Variants in GDA observed in about 807,000 individuals in gnomAD.
GDA encodes the protein cytoplasmic PSD-95 interactor.
Under a neutral mutation model 59.6 loss-of-function variants are expected in GDA, and 18 were observed. The ratio of observed to expected loss-of-function variants is 0.30; its 90% CI spans 0.21 to 0.45. The LOEUF (loss-of-function observed/expected upper bound fraction) is 0.45. Among genes scored for constraint, GDA ranks in the 20% least tolerant of loss-of-function variants. GDA has a pLI of 1.00. For synonymous variants in GDA, 201 were observed against 201.1 expected, an observed-to-expected ratio of 1.00 and a Z score of 0.00; for missense variants, 427 against 552.3, an observed-to-expected ratio of 0.77 and a Z score of 2.27.
chr9:72,176,564 A>G (rs1830563447), intron 1 of GDA, among the ~76,000 whole-genome samples: 1 of 152,156 alleles, frequency 6.6e-6, no homozygotes, highest in Admixed American at 6.5e-5. Flanking sequence ...AGCATCCCTG[A>G]CAGATGGTCA....
intron 1 of GDA, among the ~76,000 whole-genome samples, chr9:72,191,459 G>A (rs1267390692): frequency 5.9e-5 from 9 of 151,290 alleles, no homozygotes; most frequent in Non-Finnish European, 1.2e-4. Flanking sequence ...CAGGGAGAAA[G>A]TAAAGGGAAG....
chr9:72,210,485 T>C (rs1203318925), intron 3 of GDA, among the ~76,000 whole-genome samples: 1 of 152,142 alleles, frequency 6.6e-6, no homozygotes, highest in African/African-American at 2.4e-5. Flanking sequence ...CGAGAAAAAA[T>C]CAGAAGTATC....
At position 72,250,260 on chromosome 9, in the gene GDA, G is replaced by A. The variant is rs1228200676; in HGVS notation, c.*1918G>A. 3.0e-6 allele frequency: 3 copies of A among 994,718 alleles called. No individual in the cohort carries two copies. Among genetic ancestry groups the A allele is most frequent in the Non-Finnish European group, 3.6e-6 (3 of 836,258 alleles). The allele number at this position is 994,718 out of a possible 1,614,324, so 61.6% of individuals were successfully genotyped here. A position where few individuals can be genotyped will look rare whatever the true frequency, so the allele number is the denominator to read the frequency against. On this transcript the variant is annotated 3_prime_UTR_variant, in exon 14 of 14. Coordinates refer to ENST00000358399, the MANE Select transcript of GDA (RefSeq NM_004293.5). ...GTGTAAGATTCACTTACAGGCAGTA[G>A]CTGCTTCTAGCATTTGCAAGATCCT...
chr9:72,134,854 CT>C (rs1417068669), intron 1 of GDA, among the ~76,000 whole-genome samples: 8 of 152,228 alleles, frequency 5.3e-5, no homozygotes, highest in African/African-American at 1.9e-4. Context: ...ACAATTTTGC[CT>C]GGTGGCAGTC....
At chr9:72,144,341 C>T (rs1826545872) in intron 1 of GDA, among the ~76,000 whole-genome samples, 1 of 152,096 alleles carries the variant, frequency 6.6e-6, no homozygotes, top group South Asian at 2.1e-4. Flanking sequence ...GTATTATATT[C>T]GTATCACTTA....
chr9:72,160,127 G>A (rs1172130874), intron 1 of GDA, among the ~76,000 whole-genome samples: 3 of 151,860 alleles, frequency 2.0e-5, no homozygotes, highest in South Asian at 2.1e-4. Flanking sequence ...GTAAAACCCC[G>A]TCTCTACTAA....
intron 1 of GDA, among the ~76,000 whole-genome samples, chr9:72,158,151 A>G (rs1240067846): frequency 6.6e-6 from 1 of 152,208 alleles, no homozygotes; most frequent in Non-Finnish European, 1.5e-5. Flanking sequence ...CTGTTCTTCC[A>G]TAAAATTTTT....
chr9:72,153,004 C>T (rs1485054012), intron 1 of GDA, among the ~76,000 whole-genome samples: 2 of 152,218 alleles, frequency 1.3e-5, no homozygotes, highest in Non-Finnish European at 2.9e-5. Context: ...CAGCTTTCTA[C>T]ATATGGCTAG....
Position 72,250,553 on chromosome 9 carries a change from C to A in GDA, c.*2211C>A. ...CTTATAACTTATGTGTTTTATTTCT[C>A]CAAGTGCGGTGTTCCTGAATGTTAT... On this transcript the variant is annotated 3_prime_UTR_variant, in exon 14 of 14. Transcript: ENST00000358399. The A allele has an allele frequency of 6.9e-7, 1 of 1,442,902 alleles. No homozygotes were observed. The highest frequency in any genetic ancestry group is 9.1e-7 in the Non-Finnish European group (1 of 1,103,712). The allele number at this position is 1,442,902 out of a possible 1,614,324, so 89.4% of individuals were successfully genotyped here. A position where few individuals can be genotyped will look rare whatever the true frequency, so the allele number is the denominator to read the frequency against.
At chr9:72,200,058 C>T (rs949662355) in intron 2 of GDA, among the ~76,000 whole-genome samples, 8 of 143,030 alleles carry the variant, frequency 5.6e-5, no homozygotes, top group Admixed American at 1.5e-4. Context: ...AGTGCAGTGG[C>T]ATGATCTCTG....
chr9:72,122,552 A>G (rs1825698636), intron 1 of GDA, among the ~76,000 whole-genome samples: 1 of 152,036 alleles, frequency 6.6e-6, no homozygotes, highest in Non-Finnish European at 1.5e-5. Context: ...GGAACACACT[A>G]TGTACACAAG....
chr9:72,163,788 G>A (rs554848015), intron 1 of GDA, among the ~76,000 whole-genome samples: 10 of 152,258 alleles, frequency 6.6e-5, no homozygotes, highest in South Asian at 2.1e-4. Flanking sequence ...CACCATGCCC[G>A]GCCAACTATT....
chr9:72,145,862 A>G (rs1826609507), upstream of GDA, among the ~76,000 whole-genome samples: 1 of 152,204 alleles, frequency 6.6e-6, no homozygotes, highest in South Asian at 2.1e-4. Context: ...GACACCCACT[A>G]TAGCCTCTTA....
At chr9:72,178,413 A>ATTTTTT (rs145032320) in intron 1 of GDA, among the ~76,000 whole-genome samples, 2 of 117,156 alleles carry the variant, frequency 1.7e-5, no homozygotes, top group African/African-American at 3.4e-5. Context: ...TGGAATCGAT[A>ATTTTTT]TTTTTTTTTT....
At chr9:72,134,059 C>T (rs1032755820) in intron 1 of GDA, among the ~76,000 whole-genome samples, 1 of 151,988 alleles carries the variant, frequency 6.6e-6, no homozygotes, top group African/African-American at 2.4e-5. Context: ...GGACAAACAT[C>T]GGGAGGATCA....
chr9:72,217,076 A>G (rs1836228337), intron 5 of GDA, among the ~76,000 whole-genome samples: 1 of 152,204 alleles, frequency 6.6e-6, no homozygotes. Context: ...CAATAAATCT[A>G]CTAAAAATCA....
chr9:72,212,355 G>A (rs925411181), intron 4 of GDA, among the ~76,000 whole-genome samples: 4 of 151,856 alleles, frequency 2.6e-5, no homozygotes, highest in East Asian at 1.9e-4. Flanking sequence ...AGTGGTGGGC[G>A]CCTGTAGTCC....
intron 10 of GDA, among the ~76,000 whole-genome samples, chr9:72,234,597 T>G (rs916971298): frequency 6.6e-6 from 1 of 152,188 alleles, no homozygotes; most frequent in Non-Finnish European, 1.5e-5. Flanking sequence ...TGGGGTTTTT[T>G]TCTGATGGAG....
intron 1 of GDA, among the ~76,000 whole-genome samples, chr9:72,158,430 A>C (rs1027381999): frequency 3.3e-5 from 5 of 151,998 alleles, no homozygotes; most frequent in Non-Finnish European, 7.4e-5. Flanking sequence ...CATCTCTACT[A>C]AAAATACAAA....
Sources: allele counts gnomAD v4.1 joint callset (sites outside exome capture counted in the v4.1 genomes callset), GRCh38; gene constraint gnomAD v4.1.1; transcripts MANE v1.5; gene names NCBI Gene and HGNC (gene_info 2026-07-23, HGNC 2026-07-21).